MYO5B: variants seen among roughly 807,000 people sequenced by gnomAD.
The protein encoded by MYO5B is unconventional myosin-Vb.
MYO5B carries 143 observed loss-of-function variants against 229.3 expected under a neutral mutation model. The ratio of observed to expected loss-of-function variants is 0.62; its 90% CI spans 0.54 to 0.72. The LOEUF is 0.72. Ranked by LOEUF, MYO5B falls within the 30% of genes least tolerant of loss-of-function variation. The probability of loss-of-function intolerance (pLI) is 0.00; values close to 1 mark genes in which losing one functional copy is unlikely to be tolerated. For missense variants in MYO5B, 2,321 were observed against 2,331.0 expected, an observed-to-expected ratio of 1.00 and a Z score of 0.09; for synonymous variants, 918 against 885.2, an observed-to-expected ratio of 1.04 and a Z score of -0.66.
chr18:49,954,020 TTATA>T (rs72483170), intron 13 of MYO5B, among the ~76,000 whole-genome samples: 2 of 38,716 alleles, frequency 5.2e-5, no homozygotes, highest in African/African-American at 1.2e-4. Context: ...GTGTATGTAT[TTATA>T]TGTGTGTGTG....
At chr18:49,962,127 T>C (rs1442020054) in intron 12 of MYO5B, 139 bp downstream of exon 12, 6 of 1,077,768 alleles carry the variant, frequency 5.6e-6, no homozygotes, top group Admixed American at 1.7e-5. Flanking sequence ...ATGCTTCTAG[T>C]ATGCAGCCTG....
rs188227215 is a variant in MYO5B at position 49,943,034 on chromosome 18, C to A, written c.1753-5637G>T. Among the ~76,000 whole-genome samples the A allele has an allele frequency of 1.2e-4, 18 of 151,986 alleles. No individual in the cohort carries two copies. In the East Asian group the frequency reaches 3.5e-3, roughly 29 times the overall value. ...TATACACCATGGAATACTATGCAGT[C>A]ATAAAAAAATGATGAGTTCATGTCC... On this transcript the variant is annotated intron_variant, in intron 14 of 39. Coordinates refer to ENST00000285039, the MANE Select transcript of MYO5B (RefSeq NM_001080467.3).
intron 14 of MYO5B, among the ~76,000 whole-genome samples, chr18:49,947,363 C>A (rs891378134): frequency 2.0e-5 from 3 of 151,936 alleles, no homozygotes; most frequent in Admixed American, 1.3e-4. Flanking sequence ...CCTTGGCCTC[C>A]CGAAGTGCTG....
chr18:49,960,814 C>T (rs2025550432), intron 12 of MYO5B, among the ~76,000 whole-genome samples: 1 of 152,210 alleles, frequency 6.6e-6, no homozygotes, highest in Non-Finnish European at 1.5e-5. Flanking sequence ...AGGCTTTCCA[C>T]AAACCTGTGT....
chr18:50,052,869 C>G lies in MYO5B; in HGVS notation c.138+2399G>C, dbSNP rs201610967. On this transcript the variant is annotated intron_variant, in intron 2 of 39. Coordinates refer to ENST00000285039, the MANE Select transcript of MYO5B (RefSeq NM_001080467.3). ...ACAAGTTAGCAAGCAGGCGGAAGGTCCTATCATAAGTCAGAGGTTAGGAAT... is the reference window on the plus strand; with the variant it reads ...ACAAGTTAGCAAGCAGGCGGAAGGTGCTATCATAAGTCAGAGGTTAGGAAT... Among the ~76,000 whole-genome samples the G allele has an allele frequency of 1.6e-4, 24 of 152,182 alleles. No homozygotes were observed. The East Asian group carries it at 1.7e-3, about 11-fold the overall frequency.
intron 21 of MYO5B, among the ~76,000 whole-genome samples, chr18:49,900,118 G>C (rs1385790992): frequency 6.6e-6 from 1 of 152,248 alleles, no homozygotes; most frequent in Non-Finnish European, 1.5e-5. Context: ...GCAGGGTGCA[G>C]CGGTCAATGC....
At chr18:49,852,224 C>G (rs1465590336) in intron 31 of MYO5B, among the ~76,000 whole-genome samples, 1 of 152,236 alleles carries the variant, frequency 6.6e-6, no homozygotes, top group Non-Finnish European at 1.5e-5. Flanking sequence ...GGTGCACAGC[C>G]CTCTTTATAG....
At chr18:49,927,850 C>G (rs1423763539) in intron 17 of MYO5B, among the ~76,000 whole-genome samples, 1 of 152,200 alleles carries the variant, frequency 6.6e-6, no homozygotes, top group African/African-American at 2.4e-5. Flanking sequence ...GACTTCATGA[C>G]CAAGAACCCA....
intron 1 of MYO5B, among the ~76,000 whole-genome samples, chr18:50,083,157 A>C (rs1019392400): frequency 8.5e-5 from 13 of 152,244 alleles, no homozygotes; most frequent in Non-Finnish European, 1.9e-4. Context: ...GCCAAATAGA[A>C]GAGGTGCATC....
At chr18:49,846,203 T>C (rs2024123981) in intron 33 of MYO5B, among the ~76,000 whole-genome samples, 1 of 152,142 alleles carries the variant, frequency 6.6e-6, no homozygotes, top group South Asian at 2.1e-4. Context: ...ACCAGGGTGA[T>C]CCCAGACAGA....
chr18:50,141,080 C>A (rs1483581659), intron 1 of MYO5B, among the ~76,000 whole-genome samples: 1 of 152,162 alleles, frequency 6.6e-6, no homozygotes. Flanking sequence ...CTCCAGCCCC[C>A]AACCTAAATG....
At chr18:49,850,287 A>C (rs780643206) in intron 31 of MYO5B, 1 of 161,350 alleles carries the variant, frequency 6.2e-6, no homozygotes, top group African/African-American at 2.4e-5. Flanking sequence ...GGAGAAGAGG[A>C]GCCCTGCTCC....
chr18:50,177,887 G>T (rs748346653), intron 1 of MYO5B, among the ~76,000 whole-genome samples: 1 of 152,208 alleles, frequency 6.6e-6, no homozygotes, highest in Non-Finnish European at 1.5e-5. Flanking sequence ...TGACAGCCAG[G>T]CAACCTCTAA....
chr18:50,045,896 T>A (rs1008960245), intron 2 of MYO5B, among the ~76,000 whole-genome samples: 1 of 152,108 alleles, frequency 6.6e-6, no homozygotes, highest in Non-Finnish European at 1.5e-5. Flanking sequence ...ATTAGTTGAG[T>A]GAAATGTCTG....
At chr18:49,863,459 A>G in intron 28 of MYO5B, 132 bp from the exon 29 acceptor site, 1 of 768,538 alleles carries the variant, frequency 1.3e-6, no homozygotes, top group Non-Finnish European at 2.2e-6. Flanking sequence ...AACCACAATC[A>G]AACCCACGCC....
intron 1 of MYO5B, among the ~76,000 whole-genome samples, chr18:50,110,752 C>T (rs1034464020): frequency 4.6e-5 from 7 of 151,778 alleles, no homozygotes; most frequent in South Asian, 4.2e-4. Context: ...CATGGATTAG[C>T]GAGAATGATG....
At position 50,138,111 on chromosome 18, in the gene MYO5B, C is replaced by A. The variant is rs1173550859; in HGVS notation, c.27+56656G>T. Among the ~76,000 whole-genome samples the A allele has an allele frequency of 3.9e-5, 6 of 152,224 alleles. No individual in the cohort carries two copies. In the East Asian group the frequency reaches 1.2e-3, roughly 29 times the overall value. On this transcript the variant is annotated intron_variant, in intron 1 of 39. Coordinates refer to ENST00000285039, the MANE Select transcript of MYO5B (RefSeq NM_001080467.3). ...GTTTACCTTCACATTTACCCCTGAA[C>A]CTAAAATATATACCCGTGAACATAT... is the stretch of plus-strand genomic sequence containing the variant.
intron 1 of MYO5B, among the ~76,000 whole-genome samples, chr18:50,095,962 G>T (rs781027709): frequency 6.2e-4 from 94 of 152,276 alleles, no homozygotes; most frequent in Non-Finnish European, 1.1e-3. Flanking sequence ...AGTTTGGTGA[G>T]CAGGTAGGTC....
intron 1 of MYO5B, among the ~76,000 whole-genome samples, chr18:50,112,803 A>G (rs886176254): frequency 1.3e-5 from 2 of 152,146 alleles, no homozygotes; most frequent in Non-Finnish European, 2.9e-5. Flanking sequence ...AAATGAACCA[A>G]TTTTCAGCAG....
Sources: allele counts gnomAD v4.1 joint callset (sites outside exome capture counted in the v4.1 genomes callset), GRCh38; gene constraint gnomAD v4.1.1; transcripts MANE v1.5; gene names NCBI Gene and HGNC (gene_info 2026-07-23, HGNC 2026-07-21).